The following UIMC1 variants were observed in gnomAD, a reference collection of about 807,000 sequenced individuals.
UIMC1 encodes BRCA1-A complex subunit RAP80.
UIMC1 carries 42 observed loss-of-function variants against 84.9 expected under a neutral mutation model. That is an observed-to-expected ratio of 0.49 (90% confidence interval 0.39 to 0.64). The LOEUF is 0.64. UIMC1 is among the 30% of genes least tolerant of loss of function. The probability of loss-of-function intolerance (pLI) is 0.00; values close to 1 mark genes in which losing one functional copy is unlikely to be tolerated. For synonymous variants in UIMC1, 281 were observed against 293.0 expected (o/e 0.96, Z 0.42); for missense variants, 825 against 847.6 (o/e 0.97, Z 0.33).
intron 10 of UIMC1, among the ~76,000 whole-genome samples, chr5:176,941,997 C>A (rs1457948065): frequency 6.6e-6 from 1 of 152,112 alleles, no homozygotes; most frequent in Non-Finnish European, 1.5e-5. Context: ...GAGCCCGGCA[C>A]CACGCCTGGT....
intron 1 of UIMC1, among the ~76,000 whole-genome samples, chr5:177,000,293 T>C (rs540729704): frequency 7.2e-5 from 11 of 151,894 alleles, no homozygotes; most frequent in Non-Finnish European, 1.2e-4. Flanking sequence ...CTGTTCTCCA[T>C]AGTGCTGGTA....
At chr5:176,994,044 A>G (rs1232964985) in intron 1 of UIMC1, among the ~76,000 whole-genome samples, 2 of 151,984 alleles carry the variant, frequency 1.3e-5, no homozygotes, top group Non-Finnish European at 2.9e-5. Flanking sequence ...TACAAAAATC[A>G]AAGTGTGAAA....
intron 1 of UIMC1, among the ~76,000 whole-genome samples, chr5:176,986,387 A>G (rs1432425496): frequency 6.9e-6 from 1 of 144,398 alleles, no homozygotes; most frequent in Non-Finnish European, 1.5e-5. Context: ...AAAAAAAAAA[A>G]GTAAGGCACA....
In UIMC1 at chr5:176,968,934, ACAGTGCCCC is replaced by A. The variant is rs752719765; in HGVS notation, c.812_820del (p.Gly271_Thr273del). On this transcript the variant is annotated inframe_deletion, in exon 6 of 15. Coordinates refer to ENST00000511320, the MANE Select transcript of UIMC1 (RefSeq NM_001199298.2). ...GAATGGAATACCCCAGAAATAGTTC[ACAGTGCCCC>A]CAGTGTCCTGGAGACCTTTGGCATC... is the stretch of plus-strand genomic sequence containing the variant. The A allele has an allele frequency of 6.2e-7, 1 of 1,614,168 alleles. No homozygotes were observed. The highest frequency in any genetic ancestry group is 8.5e-7 in the Non-Finnish European group (1 of 1,180,024).
rs1007989298 is a variant in UIMC1, at chr5:176,990,818, A to C, written c.-8-8195T>G. ...CTTCCCAGGTAGGTAGGACTACAAGAGTACACCACAACACTCAGCTAATTT... is the reference window on the plus strand; with the variant it reads ...CTTCCCAGGTAGGTAGGACTACAAGCGTACACCACAACACTCAGCTAATTT... On this transcript the variant is annotated intron_variant, in intron 1 of 14. Coordinates refer to ENST00000511320, the MANE Select transcript of UIMC1 (RefSeq NM_001199298.2). 2.6e-5 allele frequency among the ~76,000 whole-genome samples: 4 copies of C among 151,666 alleles called. 1 individual carries two copies. Among genetic ancestry groups the C allele is most frequent in the African/African-American group, 9.7e-5 (4 of 41,260 alleles).
chr5:176,961,995 G>C (rs1406475322), intron 6 of UIMC1, among the ~76,000 whole-genome samples: 15 of 71,232 alleles, frequency 2.1e-4, no homozygotes, highest in South Asian at 5.4e-4. Flanking sequence ...GGAGGTGGGG[G>C]GGTCAGCCCC....
upstream of UIMC1, among the ~76,000 whole-genome samples, chr5:177,011,432 A>G (rs909668301): frequency 2.6e-5 from 4 of 151,892 alleles, no homozygotes; most frequent in African/African-American, 9.7e-5. Flanking sequence ...AACATTTAAA[A>G]TTTAGCTGGC....
At position 176,937,214 on chromosome 5, in the gene UIMC1, C is replaced by T. The variant is rs559544753; in HGVS notation, c.1597+6121G>A. Among the ~76,000 whole-genome samples the T allele has an allele frequency of 6.6e-5, 10 of 152,284 alleles. No individual in the cohort carries two copies. In the East Asian group the frequency reaches 7.7e-4, roughly 12 times the overall value. On this transcript the variant is annotated intron_variant, in intron 10 of 14. Transcript: ENST00000511320. ...ACATTACCTTTAAAGAGCATTCCCT[C>T]GGCCAGGTGCGGTGGCTCACGCCTG...
intron 1 of UIMC1, among the ~76,000 whole-genome samples, chr5:177,019,652 C>A (rs961295868): frequency 4.7e-5 from 7 of 149,172 alleles, no homozygotes; most frequent in Non-Finnish European, 4.4e-5. Context: ...AAATTGTAGG[C>A]TGGGTGTGGT....
chr5:176,949,347 CG>C (rs1765549038), intron 9 of UIMC1, among the ~76,000 whole-genome samples: 1 of 152,142 alleles, frequency 6.6e-6, no homozygotes, highest in Admixed American at 6.5e-5. Context: ...GTAGCACAGA[CG>C]TGTACACCAT....
rs1440027016 is a variant in UIMC1, at chr5:176,908,570, A to G, written c.1801T>C (p.Cys601Arg). The stretch of plus-strand genomic sequence containing the variant: ...TGCCACTTCCCCTCCACAGTTGAAC[A>G]TGCTCTTCCACTCCCTTCAGGTCCA... ...GDGPEGSGRA[C>R]STVEGKWQQR... The change falls in exon 12 of 15, where the codon TGT becomes CGT. Residue 601 changes from cysteine to arginine, a missense_variant. Transcript: ENST00000511320. 4 of 1,614,100 alleles carry G rather than the reference A, an allele frequency of 2.5e-6. No homozygotes were observed. In the East Asian group the frequency reaches 8.9e-5, roughly 36 times the overall value.
chr5:177,003,330 T>A (rs1774806685), intron 1 of UIMC1, among the ~76,000 whole-genome samples: 1 of 152,016 alleles, frequency 6.6e-6, no homozygotes, highest in Non-Finnish European at 1.5e-5. Flanking sequence ...TATAAAAGGA[T>A]ATGGCTGAAA....
At chr5:176,963,848 TAA>T (rs113881796) in intron 6 of UIMC1, among the ~76,000 whole-genome samples, 30 of 144,948 alleles carry the variant, frequency 2.1e-4, no homozygotes, top group African/African-American at 7.2e-4. Context: ...TCATTTCTGA[TAA>T]AAAAAAAAAA....
chr5:176,964,616 TG>T (rs1581562782), intron 6 of UIMC1, among the ~76,000 whole-genome samples: 1 of 152,202 alleles, frequency 6.6e-6, no homozygotes, highest in African/African-American at 2.4e-5. Flanking sequence ...TAATTTAACA[TG>T]AGAAAATGTC....
At chr5:176,922,104 C>A (rs1325732756) in intron 10 of UIMC1, among the ~76,000 whole-genome samples, 2 of 152,076 alleles carry the variant, frequency 1.3e-5, no homozygotes, top group East Asian at 3.9e-4. Flanking sequence ...TTTAATCGAG[C>A]CCCCTTTTTC....
rs184369128 is a variant in UIMC1, at chr5:176,929,339, G to A, written c.1597+13996C>T. Among the ~76,000 whole-genome samples, 1,102 of 151,710 alleles carry A rather than the reference G, an allele frequency of 7.3e-3. 14 individuals are homozygous for A. Among genetic ancestry groups the A allele is most frequent in the African/African-American group, 0.025 (1,054 of 41,352 alleles). On this transcript the variant is annotated intron_variant, in intron 10 of 14. Transcript: ENST00000511320. ...AGCACTTTGGGAGGCTGAGGTGGGA[G>A]GATCATGAGGTCAGGAGATCGAGAC... is the stretch of plus-strand genomic sequence containing the variant.
chr5:176,972,096 C>T (rs978822594), intron 3 of UIMC1, among the ~76,000 whole-genome samples: 1 of 151,786 alleles, frequency 6.6e-6, no homozygotes, highest in African/African-American at 2.4e-5. Context: ...AAATTAAAAG[C>T]TCCTCTTTAT....
rs1334882023 is a variant in UIMC1 at position 177,001,056 on chromosome 5, G to A, written c.-9+5594C>T. On this transcript the variant is annotated intron_variant, in intron 1 of 14. Coordinates refer to ENST00000511320, the MANE Select transcript of UIMC1 (RefSeq NM_001199298.2). ...TTTTGCTTTGGTTGCCTGTGGTTAT[G>A]GGATATTACTCAAGAAGTTTTTGCC... Among the ~76,000 whole-genome samples the A allele has an allele frequency of 2.0e-5, 3 of 152,214 alleles. No homozygotes were observed. The East Asian group carries it at 5.8e-4, about 29-fold the overall frequency.
chr5:176,925,624 A>G lies in UIMC1; in HGVS notation c.1598-14235T>C, dbSNP rs150289505. On this transcript the variant is annotated intron_variant, in intron 10 of 14. Transcript: ENST00000511320. ...ACACTACTCAGTAATAAAAAGGAAT[A>G]TAACACGGATCAATCTCAAAAACAT... Among the ~76,000 whole-genome samples, 3 of 152,336 alleles carry G rather than the reference A, an allele frequency of 2.0e-5. No individual in the cohort carries two copies. The East Asian group carries it at 5.8e-4, about 29-fold the overall frequency.
Sources: gnomAD v4.1 joint callset for allele counts (sites outside exome capture counted in the v4.1 genomes callset) on GRCh38, gnomAD v4.1.1 for gene constraint, MANE v1.5 for transcripts, NCBI Gene and HGNC (gene_info 2026-07-23, HGNC 2026-07-21) for gene names.